Variants in DIRAS2 observed in about 807,000 individuals in gnomAD.
DIRAS2 encodes the protein DIRAS family GTPase 2.
DIRAS2 carries 5 observed loss-of-function variants against 13.9 expected under a neutral mutation model. The ratio of observed to expected loss-of-function variants is 0.36; its 90% CI spans 0.19 to 0.76. The LOEUF (loss-of-function observed/expected upper bound fraction) is 0.76, where lower values mean the gene tolerates loss of function less well. Ranked by LOEUF, DIRAS2 falls within the 30% of genes least tolerant of loss-of-function variation. The pLI is 0.53. For missense variants in DIRAS2, 191 were observed against 263.0 expected, an observed-to-expected ratio of 0.73 and a Z score of 1.89; for synonymous variants, 111 against 105.4, an observed-to-expected ratio of 1.05 and a Z score of -0.33.
intron 1 of DIRAS2, among the ~76,000 whole-genome samples, chr9:90,630,016 T>C (rs1825309307): frequency 1.3e-5 from 2 of 152,248 alleles, no homozygotes; most frequent in Admixed American, 6.5e-5. Flanking sequence ...AACAATAAGA[T>C]ACTTTGATAC....
intron 1 of DIRAS2, among the ~76,000 whole-genome samples, chr9:90,615,116 A>G (rs1316755309): frequency 6.6e-6 from 1 of 152,210 alleles, no homozygotes; most frequent in Admixed American, 6.5e-5. Context: ...CTTTGGAAAA[A>G]CAATAAAAAG....
Position 90,613,165 on chromosome 9 carries a change from G to A in DIRAS2, c.*63C>T. ...TATACATGCTACCCTGACGACGGTG[G>A]GTGTCATTTTGGGGGAGTGAGGTGC... On this transcript the variant is annotated 3_prime_UTR_variant, in exon 2 of 2. Coordinates refer to ENST00000375765, the MANE Select transcript of DIRAS2 (RefSeq NM_017594.5). This position sits in a 1 kb window ranked among gnomAD's most constrained non-coding sequence, Gnocchi z 5.6. 3.2e-6 allele frequency: 5 copies of A among 1,563,172 alleles called. No homozygotes were observed. Among genetic ancestry groups the A allele is most frequent in the Non-Finnish European group, 4.3e-6 (5 of 1,156,060 alleles).
At chr9:90,616,289 AG>A (rs1252907255) in intron 1 of DIRAS2, among the ~76,000 whole-genome samples, 1 of 152,258 alleles carries the variant, frequency 6.6e-6, no homozygotes, top group Admixed American at 6.5e-5. Context: ...CCACTAAACC[AG>A]GCTGTGGACA....
intron 1 of DIRAS2, among the ~76,000 whole-genome samples, chr9:90,635,637 C>A (rs1044708813): frequency 6.6e-6 from 1 of 152,196 alleles, no homozygotes; most frequent in Non-Finnish European, 1.5e-5. Flanking sequence ...ATATTTAACT[C>A]ATGATTTGGA....
At chr9:90,636,027 C>CTTTTTTTTTTTTTTTTTTTT (rs1172661795) in intron 1 of DIRAS2, among the ~76,000 whole-genome samples, 1 of 66,252 alleles carries the variant, frequency 1.5e-5, no homozygotes, top group Non-Finnish European at 2.7e-5. Flanking sequence ...ACTGAATATT[C>CTTTTTTTTTTTTTTTTTTTT]TTTTTTTTTT....
Position 90,613,573 on chromosome 9 carries a change from C to A in DIRAS2, c.255G>T (p.Val85=). The A allele has an allele frequency of 6.2e-7, 1 of 1,614,158 alleles. No individual in the cohort carries two copies. Among genetic ancestry groups the A allele is most frequent in the Non-Finnish European group, 8.5e-7 (1 of 1,180,040 alleles). The change falls in exon 2 of 2, where the codon GTG becomes GTT. Residue 85 remains valine, a synonymous_variant. Transcript: ENST00000375765. The surrounding 1 kb of genome is among the most constrained non-coding windows in gnomAD (Gnocchi z 5.6). ...AGGACTGTCGGCTGGTAATGGAGTACACCAGGATGAAGGCGTGCCCTTTGG... is the reference window on the plus strand; with the variant it reads ...AGGACTGTCGGCTGGTAATGGAGTAAACCAGGATGAAGGCGTGCCCTTTGG... ...SISKGHAFIL[V]YSITSRQSLE...
At chr9:90,626,680 G>A (rs1825272790) in intron 1 of DIRAS2, among the ~76,000 whole-genome samples, 1 of 152,110 alleles carries the variant, frequency 6.6e-6, no homozygotes, top group Admixed American at 6.5e-5. Flanking sequence ...CATTGCTGGT[G>A]GTAATCTAAA....
intron 1 of DIRAS2, among the ~76,000 whole-genome samples, chr9:90,614,210 A>G (rs1315924892): frequency 6.6e-6 from 1 of 151,546 alleles, no homozygotes; most frequent in African/African-American, 2.4e-5. Context: ...TAAAAACACA[A>G]ACACACATAT....
intron 1 of DIRAS2, among the ~76,000 whole-genome samples, chr9:90,635,848 T>A (rs1450966492): frequency 6.6e-6 from 1 of 152,088 alleles, no homozygotes; most frequent in Non-Finnish European, 1.5e-5. Flanking sequence ...TTCTAATTAG[T>A]ATAAGTTTCC....
At chr9:90,617,471 G>C (rs1377754180) in intron 1 of DIRAS2, among the ~76,000 whole-genome samples, 1 of 152,208 alleles carries the variant, frequency 6.6e-6, no homozygotes, top group Non-Finnish European at 1.5e-5. Context: ...ATGCTATTGA[G>C]AGAACTTGGC....
intron 1 of DIRAS2, among the ~76,000 whole-genome samples, chr9:90,614,305 A>G (rs1033840832): frequency 2.7e-5 from 3 of 112,442 alleles, no homozygotes; most frequent in African/African-American, 1.0e-4. Context: ...TGGTCATCAT[A>G]ATGTGTGTGT....
At position 90,610,610 on chromosome 9, in the gene DIRAS2, T is replaced by C. The variant is rs984321053; in HGVS notation, c.*2618A>G. The C allele has an allele frequency of 1.8e-5, 7 of 393,162 alleles. No homozygotes were observed. The highest frequency in any genetic ancestry group is 1.3e-4 in the Admixed American group (3 of 22,580). 24.4% of individuals were successfully genotyped at this position (393,162 alleles called of 1,614,324 possible). ...AGAACCACAGCTACATATTTGGGAA[T>C]GGAAACGTACAAATGCTTTAAAAAA... On this transcript the variant is annotated 3_prime_UTR_variant, in exon 2 of 2. Transcript: ENST00000375765.
chr9:90,635,231 C>T (rs1319058673), intron 1 of DIRAS2, among the ~76,000 whole-genome samples: 1 of 152,186 alleles, frequency 6.6e-6, no homozygotes, highest in Non-Finnish European at 1.5e-5. Context: ...GAACATTTCA[C>T]GCCATGCAGG....
chr9:90,621,363 C>G (rs545274444), intron 1 of DIRAS2, among the ~76,000 whole-genome samples: 1 of 151,854 alleles, frequency 6.6e-6, no homozygotes, highest in East Asian at 1.9e-4. Context: ...CAGGAGTCAC[C>G]GGGGCCTAGG....
chr9:90,638,795 C>T (rs1005892762), intron 1 of DIRAS2, among the ~76,000 whole-genome samples: 11 of 151,988 alleles, frequency 7.2e-5, no homozygotes, highest in African/African-American at 2.4e-4. Flanking sequence ...GATTTGCCCT[C>T]GATGAAGAAA....
At chr9:90,617,309 T>G (rs151278037) in intron 1 of DIRAS2, among the ~76,000 whole-genome samples, 307 of 152,226 alleles carry the variant, frequency 2.0e-3, no homozygotes, top group African/African-American at 7.2e-3. Context: ...GGTAGGTGAT[T>G]GGGATTTAGT....
intron 1 of DIRAS2, among the ~76,000 whole-genome samples, chr9:90,637,079 G>A (rs1182627372): frequency 6.6e-6 from 1 of 152,300 alleles, no homozygotes; most frequent in East Asian, 1.9e-4. Context: ...AGCATAGTGA[G>A]AGAATATCAT....
Position 90,622,336 on chromosome 9 carries a change from T to C in DIRAS2, c.-36-8473A>G, listed in dbSNP as rs369291358. ...AACATTAATAGGATTCTGTAACTAT[T>C]TTTCACTGCAGGAGTAGGTAGTAGG... On this transcript the variant is annotated intron_variant, in intron 1 of 1. Transcript: ENST00000375765. 9.9e-5 allele frequency among the ~76,000 whole-genome samples: 15 copies of C among 152,182 alleles called. No individual in the cohort carries two copies. The East Asian group carries it at 1.7e-3, about 18-fold the overall frequency.
intron 1 of DIRAS2, among the ~76,000 whole-genome samples, chr9:90,628,641 G>A (rs1456232303): frequency 1.3e-5 from 2 of 152,018 alleles, no homozygotes; most frequent in African/African-American, 2.4e-5. Context: ...AATCTCCCGG[G>A]CTCAGGTGAT....
Sources: gnomAD v4.1 joint callset for allele counts (sites outside exome capture counted in the v4.1 genomes callset) on GRCh38, gnomAD v4.1.1 for gene constraint, Gnocchi (gnomAD v3.1) non-coding constraint, MANE v1.5 for transcripts, NCBI Gene and HGNC (gene_info 2026-07-23, HGNC 2026-07-21) for gene names.